The following CAST variants were observed in gnomAD, a reference collection of about 807,000 sequenced individuals.
The protein encoded by CAST is calpastatin.
Under a neutral mutation model 119.6 loss-of-function variants are expected in CAST, and 76 were observed. The ratio of observed to expected loss-of-function variants is 0.64; its 90% CI spans 0.53 to 0.77. CAST has a LOEUF of 0.77. Ranked by LOEUF, CAST falls within the 30% of genes least tolerant of loss-of-function variation. CAST has a pLI of 0.00. For missense variants in CAST, 953 were observed against 946.5 expected (o/e 1.01, Z -0.09); for synonymous variants, 319 against 331.6 (o/e 0.96, Z 0.41).
the CAST span, among the ~76,000 whole-genome samples, chr5:96,233,774 G>A: frequency 1.3e-5 from 2 of 152,058 alleles, no homozygotes; most frequent in East Asian, 1.9e-4. Flanking sequence ...GTATAGTTTC[G>A]ACTGTAAGAT....
chr5:96,327,636 C>G, the CAST span, among the ~76,000 whole-genome samples: 1 of 152,166 alleles, frequency 6.6e-6, no homozygotes, highest in South Asian at 2.1e-4. Context: ...TTTCAAGACA[C>G]TTAGAGACAT....
At chr5:96,042,315 AT>A in the CAST span, among the ~76,000 whole-genome samples, 2 of 152,088 alleles carry the variant, frequency 1.3e-5, no homozygotes, top group African/African-American at 2.4e-5. Flanking sequence ...TTGATTTGAC[AT>A]TTTTTTCTTG....
the CAST span, among the ~76,000 whole-genome samples, chr5:96,314,192 G>A: frequency 2.0e-5 from 3 of 152,152 alleles, no homozygotes; most frequent in Non-Finnish European, 4.4e-5. Flanking sequence ...CTGAAAACTT[G>A]TAAATTATTT....
At chr5:96,332,091 A>T in the CAST span, among the ~76,000 whole-genome samples, 2 of 152,218 alleles carry the variant, frequency 1.3e-5, no homozygotes, top group East Asian at 3.8e-4. Context: ...AGAGTCCCCC[A>T]GTTGTAAAAG....
chr5:96,388,896 T>C, the CAST span, among the ~76,000 whole-genome samples: 5 of 152,052 alleles, frequency 3.3e-5, no homozygotes, highest in Admixed American at 6.6e-5. Context: ...TACATATATA[T>C]ACACACACAC....
chr5:96,336,218 G>C, the CAST span, among the ~76,000 whole-genome samples: 1 of 152,034 alleles, frequency 6.6e-6, no homozygotes, highest in Admixed American at 6.6e-5. Context: ...ACTCTCAACC[G>C]GCAGTAGTTC....
chr5:96,325,502 C>T, the CAST span, among the ~76,000 whole-genome samples: 137 of 146,532 alleles, frequency 9.3e-4, 1 homozygote, highest in East Asian at 0.022. Context: ...TTTTTTGAGA[C>T]GGAGACTCGC....
At chr5:96,231,277 A>C in the CAST span, among the ~76,000 whole-genome samples, 2 of 152,204 alleles carry the variant, frequency 1.3e-5, no homozygotes, top group Non-Finnish European at 2.9e-5. Context: ...TTTTATGTCC[A>C]TAGAATAGAA....
chr5:96,598,275 C>CT lies in CAST; in HGVS notation c.60+68403dup, dbSNP rs200506205. Among the ~76,000 whole-genome samples the CT allele has an allele frequency of 2.0e-4, 30 of 152,104 alleles. No individual in the cohort carries two copies. The East Asian group carries it at 4.1e-3, about 21-fold the overall frequency. On this transcript the variant is annotated intron_variant, in intron 1 of 11. Coordinates refer to the CAST transcript ENST00000505143. ...TTTGGTGCCCAGTGCATGAAAATAA[C>CT]TTTTTTTTGCCTTTCATGGACTTCT...
At chr5:96,047,700 G>A in the CAST span, among the ~76,000 whole-genome samples, 1 of 152,128 alleles carries the variant, frequency 6.6e-6, no homozygotes, top group Non-Finnish European at 1.5e-5. Context: ...GGGATATATT[G>A]ATGAGGGAAA....
the CAST span, among the ~76,000 whole-genome samples, chr5:96,086,628 G>T: frequency 2.0e-5 from 3 of 151,976 alleles, no homozygotes; most frequent in Non-Finnish European, 4.4e-5. Context: ...ACTGTCCAAA[G>T]CCCTAAAAAA....
the CAST span, among the ~76,000 whole-genome samples, chr5:96,309,614 G>A: frequency 6.6e-6 from 1 of 152,216 alleles, no homozygotes; most frequent in Non-Finnish European, 1.5e-5. Context: ...TGGTCTGCTG[G>A]TTAGGAAGAC....
chr5:96,570,105 G>A (rs570228018), intron 1 of CAST, among the ~76,000 whole-genome samples: 68 of 152,306 alleles, frequency 4.5e-4, no homozygotes, highest in African/African-American at 1.5e-3. Flanking sequence ...TCACAGCACC[G>A]TGGTTGAGAA....
intron 1 of CAST, among the ~76,000 whole-genome samples, chr5:96,653,418 G>C (rs774418912): frequency 1.2e-4 from 18 of 152,200 alleles, no homozygotes; most frequent in Non-Finnish European, 1.9e-4. Context: ...CTCCAGAAAG[G>C]GCAACAATTT....
the CAST span, among the ~76,000 whole-genome samples, chr5:96,165,407 A>T: frequency 3.9e-5 from 6 of 152,194 alleles, no homozygotes; most frequent in African/African-American, 1.2e-4. Flanking sequence ...GTTGCAAAAC[A>T]TAAGAATCCA....
the CAST span, among the ~76,000 whole-genome samples, chr5:96,294,657 A>C: frequency 6.6e-6 from 1 of 152,200 alleles, no homozygotes; most frequent in Non-Finnish European, 1.5e-5. Flanking sequence ...AAGTGTCCAA[A>C]CCTAAGTGAT....
At chr5:96,470,958 T>G in the CAST span, among the ~76,000 whole-genome samples, 10 of 152,112 alleles carry the variant, frequency 6.6e-5, no homozygotes, top group Admixed American at 1.3e-4. Context: ...AAAATGACCT[T>G]AGGGCCTCTT....
chr5:96,622,471 G>T lies in CAST; in HGVS notation c.61-53068G>T, dbSNP rs116590013. Among the ~76,000 whole-genome samples, 464 of 152,314 alleles carry T rather than the reference G, an allele frequency of 3.0e-3. 3 individuals are homozygous for T. Among genetic ancestry groups the T allele is most frequent in the African/African-American group, 9.9e-3 (413 of 41,560 alleles). On this transcript the variant is annotated intron_variant, in intron 1 of 11. Transcript: ENST00000505143. ...AGAGAGAATGCATGTAGAAAATACA[G>T]CAAATGGTCAGCTGTCACTGGTGAA...
At chr5:96,432,877 C>G in the CAST span, 1 of 1,613,778 alleles carries the variant, frequency 6.2e-7, no homozygotes, top group East Asian at 2.2e-5. Context: ...CCCAAAAGGT[C>G]ATAGCCCAGC....
Sources: allele counts gnomAD v4.1 joint callset (sites outside exome capture counted in the v4.1 genomes callset), GRCh38; gene constraint gnomAD v4.1.1; transcripts MANE v1.5; gene names NCBI Gene and HGNC (gene_info 2026-07-23, HGNC 2026-07-21).